SLC43A2: variants seen among roughly 807,000 people sequenced by gnomAD.
SLC43A2 encodes the protein solute carrier family 43 member 2, also known as large neutral amino acids transporter small subunit 4.
SLC43A2 carries 38 observed loss-of-function variants against 63.2 expected under a neutral mutation model. That is an observed-to-expected ratio of 0.60 (90% CI 0.46 to 0.79). SLC43A2 has a LOEUF of 0.79. SLC43A2 is among the 30% of genes least tolerant of loss of function. The pLI is 0.00. For synonymous variants in SLC43A2, 322 were observed against 331.0 expected, an observed-to-expected ratio of 0.97 and a Z score of 0.30; for missense variants, 644 against 756.2, an observed-to-expected ratio of 0.85 and a Z score of 1.74.
chr17:1,587,682 C>T (rs1567617812), intron 9 of SLC43A2, among the ~76,000 whole-genome samples: 3 of 152,140 alleles, frequency 2.0e-5, no homozygotes, highest in Non-Finnish European at 4.4e-5. Flanking sequence ...CTCCAGGCCT[C>T]GTTTTTCAGG....
At position 1,605,009 on chromosome 17, in the gene SLC43A2, C is replaced by T. The variant is rs1399574112; in HGVS notation, c.501+8186G>A. 6.3e-6 allele frequency: 9 copies of T among 1,432,610 alleles called. No homozygotes were observed. The allele number at this position is 1,432,610 out of a possible 1,614,324, so 88.7% of individuals were successfully genotyped here. A position where few individuals can be genotyped will look rare whatever the true frequency, so the allele number is the denominator to read the frequency against. ...CGAGGGCTGGCGGAGGGGAAGGACCCCAGGAGGGGAAGGACCAGCTTTGCT... is the reference window on the plus strand; with the variant it reads ...CGAGGGCTGGCGGAGGGGAAGGACCTCAGGAGGGGAAGGACCAGCTTTGCT... On this transcript the variant is annotated intron_variant, in intron 5 of 13. Transcript: ENST00000301335. This position sits in a 1 kb window ranked among gnomAD's most constrained non-coding sequence, Gnocchi z 4.9.
At chr17:1,626,306 C>T (rs1466526701) in intron 2 of SLC43A2, among the ~76,000 whole-genome samples, 4 of 151,472 alleles carry the variant, frequency 2.6e-5, no homozygotes, top group East Asian at 1.9e-4. Context: ...CTGTGCCTTT[C>T]GGGGACAGGC....
chr17:1,613,346 T>C, intron 4 of SLC43A2, 75 bp from the exon 5 acceptor site: 1 of 1,379,354 alleles, frequency 7.2e-7, no homozygotes, highest in Non-Finnish European at 1.0e-6. Flanking sequence ...CCCAGAGTCC[T>C]GCGCGGTGCA....
At chr17:1,601,745 G>A (rs984419737) in intron 5 of SLC43A2, among the ~76,000 whole-genome samples, 3 of 150,670 alleles carry the variant, frequency 2.0e-5, no homozygotes, top group African/African-American at 7.4e-5. Flanking sequence ...CCAAACCAAT[G>A]CAAAGGTGCT....
intron 8 of SLC43A2, 135 bp from the exon 9 acceptor site, chr17:1,591,083 T>C: frequency 8.0e-7 from 1 of 1,244,170 alleles, no homozygotes; most frequent in Non-Finnish European, 1.1e-6. Flanking sequence ...GGGTTGGCGC[T>C]GCGGTGGGGT....
At position 1,591,284 on chromosome 17, in the gene SLC43A2, G is replaced by T; in HGVS notation, c.916C>A (p.Gln306Lys). 6.2e-7 allele frequency: 1 copy of T among 1,604,868 alleles called. No homozygotes were observed. Reference sequence around the variant, plus strand: ...AGGCGGGTACCTGCGGCATCCGGCTGGCACTTCACCTCCAGGTCGACGGTG... The same window carrying T: ...AGGCGGGTACCTGCGGCATCCGGCTTGCACTTCACCTCCAGGTCGACGGTG... ...LSTVDLEVKCQPDAAVAPSFM... is the reference protein window; with the variant it reads ...LSTVDLEVKCKPDAAVAPSFM... The change falls in exon 8 of 14, where the codon CAG becomes AAG. Residue 306 changes from glutamine to lysine, a missense_variant. By Grantham distance (53) the Gln-to-Lys change is moderately conservative. Coordinates refer to ENST00000301335, the MANE Select transcript of SLC43A2 (RefSeq NM_152346.3).
intron 9 of SLC43A2, among the ~76,000 whole-genome samples, chr17:1,588,992 G>A (rs12603919): frequency 0.094 from 14,256 of 152,282 alleles, 1,288 homozygotes; most frequent in Admixed American, 0.29. Context: ...ACGAGTGTGC[G>A]GAAAGTGACC....
rs1416728009 is a variant in SLC43A2, at chr17:1,593,310, G to A, written c.502-31C>T. ...AGATAAGAAGCAGAGAAACCTCAGT[G>A]GGGAGGATGCACCAGGGAAGGGGAG... On this transcript the variant is annotated intron_variant, in intron 5 of 13. Transcript: ENST00000301335. The surrounding 1 kb of genome is among the most constrained non-coding windows in gnomAD (Gnocchi z 5.3). 2 of 1,597,700 alleles carry A rather than the reference G, an allele frequency of 1.3e-6. No homozygotes were observed.
At position 1,591,629 on chromosome 17, in the gene SLC43A2, A is replaced by T. The variant is rs775643925; in HGVS notation, c.665T>A (p.Phe222Tyr). Residue 222 changes from phenylalanine to tyrosine, a missense_variant, in exon 7 of 14, where the codon TTC (phenylalanine) becomes TAC (tyrosine). By Grantham distance (22) the Phe-to-Tyr change is conservative. Transcript: ENST00000301335. ...VVWAGCSGLV[F>Y]LNCFFNWPLE... Reference sequence around the variant, plus strand: ...GGGCCAGTTAAAGAAGCAGTTGAGGAAAACCAGCCCGGAGCAGCCGGCCCA... The same window carrying T: ...GGGCCAGTTAAAGAAGCAGTTGAGGTAAACCAGCCCGGAGCAGCCGGCCCA... 8 of 1,549,394 alleles carry T rather than the reference A, an allele frequency of 5.2e-6. No individual in the cohort carries two copies. The South Asian group carries it at 8.3e-5, about 16-fold the overall frequency.
In SLC43A2 at chr17:1,593,181, G is replaced by A; in HGVS notation, c.594+6C>T. ...ACAGACACCAGTGCAAAATACACGT[G>A]CTCACCTTGATTCCTGGAAAGGTGA... On this transcript the variant is annotated splice_donor_region_variant and intron_variant, in intron 6 of 13. Coordinates refer to ENST00000301335, the MANE Select transcript of SLC43A2 (RefSeq NM_152346.3). The surrounding 1 kb of genome is among the most constrained non-coding windows in gnomAD (Gnocchi z 5.3). 6.2e-7 allele frequency: 1 copy of A among 1,612,512 alleles called. No homozygotes were observed. Among genetic ancestry groups the A allele is most frequent in the Non-Finnish European group, 8.5e-7 (1 of 1,179,068 alleles).
In SLC43A2 at chr17:1,619,525, G is replaced by A. The variant is rs560664093; in HGVS notation, c.161-2756C>T. On this transcript the variant is annotated intron_variant, in intron 2 of 13. Transcript: ENST00000301335. ...TTTCCAAAAAGAAGCTCTACCACAC[G>A]GTCAGCCAAACACATGGCAGACGGG... is the stretch of plus-strand genomic sequence containing the variant. Among the ~76,000 whole-genome samples the A allele has an allele frequency of 3.9e-5, 6 of 152,210 alleles. No individual in the cohort carries two copies. The South Asian group carries it at 6.2e-4, about 16-fold the overall frequency.
intron 2 of SLC43A2, among the ~76,000 whole-genome samples, chr17:1,621,375 C>A (rs760115921): frequency 7.9e-5 from 12 of 152,316 alleles, no homozygotes; most frequent in East Asian, 1.9e-4. Flanking sequence ...CCGAGCCCCC[C>A]CTCCAGGGTG....
intron 5 of SLC43A2, among the ~76,000 whole-genome samples, chr17:1,602,225 T>C (rs1053376772): frequency 6.6e-6 from 1 of 152,158 alleles, no homozygotes; most frequent in East Asian, 1.9e-4. Flanking sequence ...CAGGCTGGTC[T>C]TGAACTCCTG....
intron 5 of SLC43A2, among the ~76,000 whole-genome samples, chr17:1,595,920 G>A (rs999442058): frequency 2.6e-5 from 4 of 152,156 alleles, no homozygotes; most frequent in Admixed American, 6.6e-5. Flanking sequence ...TGAACTTGGC[G>A]ACATACCTGT....
intron 5 of SLC43A2, among the ~76,000 whole-genome samples, chr17:1,595,176 G>C (rs886694765): frequency 3.3e-5 from 5 of 151,950 alleles, no homozygotes; most frequent in Non-Finnish European, 5.9e-5. Context: ...AGCTACTTGG[G>C]AGGCTGAGGC....
chr17:1,624,561 G>A lies in SLC43A2; in HGVS notation c.160+3154C>T, dbSNP rs142732667. 4.3e-3 allele frequency among the ~76,000 whole-genome samples: 656 copies of A among 152,078 alleles called. 5 individuals carry two copies. The highest frequency in any genetic ancestry group is 0.014 in the African/African-American group (576 of 41,490). On this transcript the variant is annotated intron_variant, in intron 2 of 13. Transcript: ENST00000301335. Reference sequence around the variant, plus strand: ...CTACTAAAAAATACAAAAATTAGCCGGGCGTGGTGGTGGGCACCTGTAATC... The same window carrying A: ...CTACTAAAAAATACAAAAATTAGCCAGGCGTGGTGGTGGGCACCTGTAATC...
chr17:1,587,213 C>A (rs1225762891), intron 9 of SLC43A2, among the ~76,000 whole-genome samples: 1 of 152,230 alleles, frequency 6.6e-6, no homozygotes, highest in Admixed American at 6.5e-5. Context: ...CTGACATTCT[C>A]CTGTCTGCTG....
At chr17:1,614,259 A>C (rs1365438366) in intron 4 of SLC43A2, among the ~76,000 whole-genome samples, 1 of 151,800 alleles carries the variant, frequency 6.6e-6, no homozygotes, top group Non-Finnish European at 1.5e-5. Flanking sequence ...AACAACAAAA[A>C]AATTAGCTAG....
chr17:1,579,292 CT>C (rs1325482608), intron 11 of SLC43A2, among the ~76,000 whole-genome samples: 1 of 151,244 alleles, frequency 6.6e-6, no homozygotes, highest in Admixed American at 6.6e-5. Context: ...GAAACCCCAT[CT>C]TTACTAAAAA....
Sources: gnomAD v4.1 joint callset for allele counts (sites outside exome capture counted in the v4.1 genomes callset) on GRCh38, gnomAD v4.1.1 for gene constraint, Gnocchi (gnomAD v3.1) non-coding constraint, MANE v1.5 for transcripts, NCBI Gene and HGNC (gene_info 2026-07-23, HGNC 2026-07-21) for gene names.